ASS1: variants seen among roughly 807,000 people sequenced by gnomAD.
ASS1 encodes argininosuccinate synthase 1, also known as argininosuccinate synthase.
A neutral mutation model predicts 60.5 loss-of-function variants in ASS1; 58 were observed. The observed-to-expected ratio is 0.96, with a 90% CI of 0.78 to 1.19. The LOEUF is 1.19. Among genes scored for constraint, ASS1 ranks in the 50% most tolerant of loss-of-function variants. ASS1 has a pLI of 0.00. For synonymous variants in ASS1, 200 were observed against 206.9 expected (o/e 0.97, Z 0.29); for missense variants, 454 against 547.3 (o/e 0.83, Z 1.70).
In ASS1 at chr9:130,488,881, GGTGGCAT is replaced by G. The variant is rs1846374896; in HGVS notation, c.839-448_839-442del. Among the ~76,000 whole-genome samples the G allele has an allele frequency of 6.6e-6, 1 of 152,228 alleles. No homozygotes were observed. The highest frequency in any genetic ancestry group is 2.1e-4 in the South Asian group (1 of 4,830). ...GGCCGCAGGGGCCCCATGGGCTGAA[GGTGGCAT>G]GTGTGTACACATGTGTACATGTATG... On this transcript the variant is annotated intron_variant, in intron 11 of 14. Coordinates refer to ENST00000352480, the MANE Select transcript of ASS1 (RefSeq NM_054012.4). This position sits in a 1 kb window ranked among gnomAD's most constrained non-coding sequence, Gnocchi z 5.2.
intron 1 of ASS1, chr9:130,450,191 T>C: frequency 1.1e-6 from 1 of 875,792 alleles, no homozygotes; most frequent in Non-Finnish European, 1.4e-6. Flanking sequence ...CACAGGAGAT[T>C]GGGCGGCTGG....
At chr9:130,453,294 G>A (rs1309946152) in intron 2 of ASS1, among the ~76,000 whole-genome samples, 2 of 152,266 alleles carry the variant, frequency 1.3e-5, no homozygotes, top group Non-Finnish European at 2.9e-5. Context: ...CCTGTGGAAT[G>A]GGGTCCACCC....
rs1263021526 is a variant in ASS1 at position 130,451,868 on chromosome 9, C to G, written c.-5-356C>G. On this transcript the variant is annotated intron_variant, in intron 1 of 14. Transcript: ENST00000352480. ...AGAGCCAAGGCCCCTCCCACATCTC[C>G]TGCCTGCGTGCATTCCTCACATCCT... is the stretch of plus-strand genomic sequence containing the variant. 7 of 487,490 alleles carry G rather than the reference C, an allele frequency of 1.4e-5. No individual in the cohort carries two copies. In the East Asian group the frequency reaches 2.3e-4, roughly 16 times the overall value. 30.2% of individuals were successfully genotyped at this position (487,490 alleles called of 1,614,324 possible).
At chr9:130,497,821 C>T (rs1490150470) in intron 13 of ASS1, among the ~76,000 whole-genome samples, 4 of 152,144 alleles carry the variant, frequency 2.6e-5, no homozygotes, top group South Asian at 2.1e-4. Flanking sequence ...GGCTGAGGCT[C>T]GGTTTCTAAA....
intron 8 of ASS1, among the ~76,000 whole-genome samples, chr9:130,472,177 CCGGGCCCAGCCCCACACCCCGGGG>C (rs1266779208): frequency 1.3e-5 from 2 of 152,042 alleles, no homozygotes; most frequent in Non-Finnish European, 2.9e-5. Context: ...GTCTTAGTTC[CCGGGCCCAGCCCCACACCCCGGGG>C]AGGCTGGTTT....
At chr9:130,479,861 T>C in intron 10 of ASS1, 61 bp downstream of exon 10, 8 of 1,523,554 alleles carry the variant, frequency 5.3e-6, no homozygotes, top group Non-Finnish European at 6.4e-6. Flanking sequence ...AGCACGAGCC[T>C]GGACCGTTGC....
In ASS1 at chr9:130,489,187, C is replaced by T. The variant is rs1846383962; in HGVS notation, c.839-146C>T. On this transcript the variant is annotated intron_variant, in intron 11 of 14. Transcript: ENST00000352480. The surrounding 1 kb of genome is among the most constrained non-coding windows in gnomAD (Gnocchi z 4.1). ...AATGACAGATGCATTTTGCAGCAAG[C>T]TGGGAGTGAATGGGTCCGGCCGGCT... The T allele has an allele frequency of 1.2e-5, 13 of 1,089,948 alleles. No individual in the cohort carries two copies. The highest frequency in any genetic ancestry group is 1.6e-5 in the African/African-American group (1 of 63,014). The allele number at this position is 1,089,948 out of a possible 1,614,324, so 67.5% of individuals were successfully genotyped here. A position where few individuals can be genotyped will look rare whatever the true frequency, so the allele number is the denominator to read the frequency against.
Position 130,470,991 on chromosome 9 carries a change from C to A in ASS1, c.566+87C>A. ...GCTGCCCCAGGACGTCCTGGTGACC[C>A]CCACACCAGTGGTCCCTGCCCTCGG... On this transcript the variant is annotated intron_variant, in intron 7 of 14. Coordinates refer to ENST00000352480, the MANE Select transcript of ASS1 (RefSeq NM_054012.4). This position sits in a 1 kb window ranked among gnomAD's most constrained non-coding sequence, Gnocchi z 4.3. 6.7e-7 allele frequency: 1 copy of A among 1,482,184 alleles called. No individual in the cohort carries two copies. The highest frequency in any genetic ancestry group is 9.4e-7 in the Non-Finnish European group (1 of 1,062,648). The allele number at this position is 1,482,184 out of a possible 1,614,324, so 91.8% of individuals were successfully genotyped here.
At chr9:130,487,113 G>T (rs1846320719) in intron 11 of ASS1, among the ~76,000 whole-genome samples, 2 of 152,206 alleles carry the variant, frequency 1.3e-5, no homozygotes, top group Admixed American at 6.5e-5. Context: ...TCCAGAGTTT[G>T]CAGAGGGGCC....
At position 130,480,282 on chromosome 9, in the gene ASS1, A is replaced by G. The variant is rs1056710113; in HGVS notation, c.774-103A>G. The G allele has an allele frequency of 1.9e-5, 24 of 1,240,608 alleles. No individual in the cohort carries two copies. The South Asian group carries it at 2.2e-4, about 11-fold the overall frequency. 76.9% of individuals were successfully genotyped at this position (1,240,608 alleles called of 1,614,324 possible). ...AGTCTTAGATCCTGAAATGCTGCCT[A>G]ATGTGTGGCCTAAGCTGTGCCCACC... On this transcript the variant is annotated intron_variant, in intron 10 of 14. Coordinates refer to ENST00000352480, the MANE Select transcript of ASS1 (RefSeq NM_054012.4).
Position 130,476,527 on chromosome 9 carries a change from T to C in ASS1, c.598-344T>C. ...CCGGCGAGAGCGTGCGTGCCGCTCCTGGGAAGCCCTCGGAACGCCGCCTTG... is the reference window on the plus strand; with the variant it reads ...CCGGCGAGAGCGTGCGTGCCGCTCCCGGGAAGCCCTCGGAACGCCGCCTTG... On this transcript the variant is annotated intron_variant, in intron 8 of 14. Transcript: ENST00000352480. The surrounding 1 kb of genome is among the most constrained non-coding windows in gnomAD (Gnocchi z 4.9). 3 of 446,828 alleles carry C rather than the reference T, an allele frequency of 6.7e-6. No homozygotes were observed. The highest frequency in any genetic ancestry group is 6.5e-5 in the South Asian group (3 of 45,832). The allele number at this position is 446,828 out of a possible 1,614,324, so 27.7% of individuals were successfully genotyped here.
chr9:130,493,709 C>T (rs1045422178), intron 12 of ASS1, among the ~76,000 whole-genome samples: 4 of 152,186 alleles, frequency 2.6e-5, no homozygotes, highest in African/African-American at 9.6e-5. Flanking sequence ...GGCTCCATTT[C>T]AGGAAACTCT....
chr9:130,495,055 C>G (rs751284214), intron 13 of ASS1, 32 bp downstream of exon 13: 1 of 1,586,722 alleles, frequency 6.3e-7, no homozygotes, highest in South Asian at 1.1e-5. Context: ...CTGACCCCCA[C>G]TTGGGCACAG....
At chr9:130,480,495 A>G in intron 11 of ASS1, 46 bp downstream of exon 11, 1 of 1,598,268 alleles carries the variant, frequency 6.3e-7, no homozygotes, top group Non-Finnish European at 8.6e-7. Flanking sequence ...GGACCCAGCA[A>G]ACCCAGAGAT....
rs1296697727 is a variant in ASS1, at chr9:130,476,862, T to G, written c.598-9T>G. The stretch of plus-strand genomic sequence containing the variant: ...TGTCATCTGCCCACCACTTTCTGTC[T>G]TTTTTCAGAACCAAGCGCCTCCAGG... On this transcript the variant is annotated splice_polypyrimidine_tract_variant and intron_variant, in intron 8 of 14. Coordinates refer to ENST00000352480, the MANE Select transcript of ASS1 (RefSeq NM_054012.4). This position sits in a 1 kb window ranked among gnomAD's most constrained non-coding sequence, Gnocchi z 4.9. The G allele has an allele frequency of 6.2e-7, 1 of 1,612,920 alleles. No individual in the cohort carries two copies. The highest frequency in any genetic ancestry group is 2.2e-5 in the East Asian group (1 of 44,884).
Position 130,489,554 on chromosome 9 carries a change from T to C in ASS1, c.970+90T>C. The C allele has an allele frequency of 6.3e-7, 1 of 1,589,940 alleles. No homozygotes were observed. Among genetic ancestry groups the C allele is most frequent in the South Asian group, 1.1e-5 (1 of 90,486 alleles). On this transcript the variant is annotated intron_variant, in intron 12 of 14. Coordinates refer to ENST00000352480, the MANE Select transcript of ASS1 (RefSeq NM_054012.4). The surrounding 1 kb of genome is among the most constrained non-coding windows in gnomAD (Gnocchi z 4.1). ...CTCTCGGGCCTGGCCCTCCCCTCCG[T>C]ATCAGCACCTTCCTCCCCTGCCGCC...
chr9:130,468,418 A>C (rs913068757), intron 6 of ASS1, among the ~76,000 whole-genome samples: 5 of 152,072 alleles, frequency 3.3e-5, no homozygotes, highest in African/African-American at 1.2e-4. Flanking sequence ...ATTTAAAAAA[A>C]AATTTTTTTT....
chr9:130,464,459 G>A (rs1268974854), intron 5 of ASS1, among the ~76,000 whole-genome samples: 2 of 152,134 alleles, frequency 1.3e-5, no homozygotes, highest in African/African-American at 4.8e-5. Context: ...TCCCAGGTGT[G>A]GGCAGGCATG....
chr9:130,484,895 T>C (rs975181975), intron 11 of ASS1, among the ~76,000 whole-genome samples: 2 of 152,128 alleles, frequency 1.3e-5, no homozygotes, highest in African/African-American at 4.8e-5. Flanking sequence ...ATTAACACTT[T>C]CGAAGAAAAG....
Sources: gnomAD v4.1 joint callset for allele counts (sites outside exome capture counted in the v4.1 genomes callset) on GRCh38, gnomAD v4.1.1 for gene constraint, Gnocchi (gnomAD v3.1) non-coding constraint, MANE v1.5 for transcripts, NCBI Gene and HGNC (gene_info 2026-07-23, HGNC 2026-07-21) for gene names.